The following DIAPH3 variants were observed in gnomAD, a reference collection of about 807,000 sequenced individuals.
The protein encoded by DIAPH3 is diaphanous related formin 3.
DIAPH3 carries 117 observed loss-of-function variants against 144.3 expected under a neutral mutation model. The observed-to-expected ratio is 0.81, with a 90% CI of 0.70 to 0.95. DIAPH3 has a LOEUF of 0.95. DIAPH3 is among the 40% of genes least tolerant of loss of function. The probability of loss-of-function intolerance (pLI) is 0.00; values close to 1 mark genes in which losing one functional copy is unlikely to be tolerated. For synonymous variants in DIAPH3, 519 were observed against 488.9 expected, an observed-to-expected ratio of 1.06 and a Z score of -0.81; for missense variants, 1,421 against 1,412.7, an observed-to-expected ratio of 1.01 and a Z score of -0.09.
At chr13:60,041,082 G>A (rs2055629911) in intron 5 of DIAPH3, among the ~76,000 whole-genome samples, 2 of 150,910 alleles carry the variant, frequency 1.3e-5, no homozygotes, top group South Asian at 2.1e-4. Flanking sequence ...CCAAAGTGCT[G>A]GGATTACAGG....
chr13:59,722,304 TA>T (rs1007077445), intron 27 of DIAPH3, among the ~76,000 whole-genome samples: 2 of 152,218 alleles, frequency 1.3e-5, no homozygotes, highest in African/African-American at 4.8e-5. Flanking sequence ...AAGGAATTAA[TA>T]AAATATGATT....
chr13:59,752,945 C>T (rs2037086438), intron 27 of DIAPH3, among the ~76,000 whole-genome samples: 1 of 152,074 alleles, frequency 6.6e-6, no homozygotes. Flanking sequence ...TGTAGACATC[C>T]ATTTTCATTT....
At chr13:60,127,971 C>T (rs905872075) in intron 2 of DIAPH3, among the ~76,000 whole-genome samples, 1 of 151,946 alleles carries the variant, frequency 6.6e-6, no homozygotes, top group Admixed American at 6.6e-5. Flanking sequence ...ACTCATGTCA[C>T]ATAGGTTTGT....
chr13:59,675,793 T>C (rs763974100), intron 27 of DIAPH3, among the ~76,000 whole-genome samples: 4 of 152,222 alleles, frequency 2.6e-5, no homozygotes, highest in Non-Finnish European at 4.4e-5. Context: ...TCGTTGGCCC[T>C]CATGGTTCTG....
chr13:59,929,042 C>G (rs1315467691), intron 17 of DIAPH3, among the ~76,000 whole-genome samples: 1 of 152,122 alleles, frequency 6.6e-6, no homozygotes, highest in Non-Finnish European at 1.5e-5. Context: ...AGTTCAAAAT[C>G]TGAAATGCTC....
chr13:59,733,025 T>TA (rs1050599020), intron 27 of DIAPH3, among the ~76,000 whole-genome samples: 2 of 152,070 alleles, frequency 1.3e-5, no homozygotes, highest in African/African-American at 2.4e-5. Context: ...TGGGTCTTAG[T>TA]ATATTATGTT....
At chr13:59,845,846 C>T (rs1467245088) in intron 22 of DIAPH3, among the ~76,000 whole-genome samples, 1 of 152,162 alleles carries the variant, frequency 6.6e-6, no homozygotes, top group African/African-American at 2.4e-5. Flanking sequence ...TCCCAAATGG[C>T]TGGGAATTCC....
intron 9 of DIAPH3, among the ~76,000 whole-genome samples, chr13:59,996,637 A>C (rs997457676): frequency 6.6e-6 from 1 of 152,024 alleles, no homozygotes; most frequent in African/African-American, 2.4e-5. Flanking sequence ...AGAGTGGGAC[A>C]AAAGTCAGCA....
intron 27 of DIAPH3, among the ~76,000 whole-genome samples, chr13:59,767,730 T>C (rs7328346): frequency 0.057 from 8,642 of 152,228 alleles, 337 homozygotes; most frequent in South Asian, 0.11. Context: ...GGACATTACT[T>C]TCCTTATACA....
chr13:60,097,788 A>AG (rs1167674469), intron 3 of DIAPH3, among the ~76,000 whole-genome samples: 30 of 151,434 alleles, frequency 2.0e-4, no homozygotes, highest in Admixed American at 9.2e-4. Flanking sequence ...GAAAAAAAAA[A>AG]AGAGAGAGAG....
intron 27 of DIAPH3, among the ~76,000 whole-genome samples, chr13:59,752,072 A>G (rs2037034608): frequency 1.3e-5 from 2 of 152,258 alleles, no homozygotes; most frequent in African/African-American, 4.8e-5. Flanking sequence ...TCCAGAGTAC[A>G]GTCTCTTTCC....
chr13:59,910,098 A>G (rs1267231794), intron 20 of DIAPH3, among the ~76,000 whole-genome samples: 1 of 152,196 alleles, frequency 6.6e-6, no homozygotes, highest in Admixed American at 6.5e-5. Context: ...CTTGCATGGT[A>G]TCAGATTTAA....
intron 27 of DIAPH3, among the ~76,000 whole-genome samples, chr13:59,738,512 C>G (rs74084691): frequency 2.4e-3 from 370 of 152,252 alleles, no homozygotes; most frequent in African/African-American, 8.4e-3. Flanking sequence ...CTTTCTTCTC[C>G]CTCCTTGTAC....
chr13:59,922,289 T>C (rs1030659290), intron 18 of DIAPH3, among the ~76,000 whole-genome samples: 8 of 151,978 alleles, frequency 5.3e-5, no homozygotes, highest in African/African-American at 7.2e-5. Flanking sequence ...ATATAAAAAA[T>C]CATAAACAAA....
intron 27 of DIAPH3, among the ~76,000 whole-genome samples, chr13:59,761,497 A>C (rs2037586699): frequency 6.6e-6 from 1 of 152,038 alleles, no homozygotes; most frequent in Admixed American, 6.5e-5. Flanking sequence ...TTTTTTTCGC[A>C]CATTAAGAAT....
Position 60,110,240 on chromosome 13 carries a change from A to T in DIAPH3, c.390+1770T>A, listed in dbSNP as rs2058530974. Among the ~76,000 whole-genome samples the T allele has an allele frequency of 3.9e-5, 6 of 152,350 alleles. No individual in the cohort carries two copies. In the South Asian group the frequency reaches 8.3e-4, roughly 21 times the overall value. On this transcript the variant is annotated intron_variant, in intron 3 of 27. Coordinates refer to ENST00000400324, the MANE Select transcript of DIAPH3 (RefSeq NM_001042517.2). ...TAAGAACAATCATTGTAAAAATTGC[A>T]CAATGCCAAAGCAAAGAACCTAGAT...
At chr13:60,096,773 T>A (rs2058116112) in intron 3 of DIAPH3, among the ~76,000 whole-genome samples, 1 of 152,204 alleles carries the variant, frequency 6.6e-6, no homozygotes, top group Non-Finnish European at 1.5e-5. Flanking sequence ...GCCCTGGGAC[T>A]TCCCCCAGTG....
At chr13:59,765,511 C>A (rs1022980697) in intron 27 of DIAPH3, among the ~76,000 whole-genome samples, 4 of 152,124 alleles carry the variant, frequency 2.6e-5, no homozygotes, top group Non-Finnish European at 5.9e-5. Flanking sequence ...AACTTAAAGA[C>A]AAATAACCAC....
intron 20 of DIAPH3, among the ~76,000 whole-genome samples, chr13:59,890,731 T>A (rs2045738088): frequency 6.6e-6 from 1 of 152,082 alleles, no homozygotes; most frequent in East Asian, 1.9e-4. Flanking sequence ...TCTCCACAAG[T>A]TTTTCCAATG....
Sources: allele counts gnomAD v4.1 joint callset (sites outside exome capture counted in the v4.1 genomes callset), GRCh38; gene constraint gnomAD v4.1.1; transcripts MANE v1.5; gene names NCBI Gene and HGNC (gene_info 2026-07-23, HGNC 2026-07-21).